Variants in PI4K2A observed in about 807,000 individuals in gnomAD.
The protein encoded by PI4K2A is phosphatidylinositol 4-kinase type 2-alpha.
PI4K2A carries 20 observed loss-of-function variants against 55.0 expected under a neutral mutation model. The observed-to-expected ratio is 0.36, with a 90% confidence interval of 0.26 to 0.53. The LOEUF (loss-of-function observed/expected upper bound fraction) is 0.53, where lower values mean the gene tolerates loss of function less well. Among genes scored for constraint, PI4K2A ranks in the 20% least tolerant of loss-of-function variants. The pLI is 0.91. For missense variants in PI4K2A, 463 were observed against 637.1 expected, an observed-to-expected ratio of 0.73 and a Z score of 2.94; for synonymous variants, 235 against 258.5, an observed-to-expected ratio of 0.91 and a Z score of 0.87.
intron 2 of PI4K2A, among the ~76,000 whole-genome samples, chr10:97,654,074 AGAAACAAG>A (rs2041541469): frequency 6.6e-6 from 1 of 152,238 alleles, no homozygotes; most frequent in Non-Finnish European, 1.5e-5. Context: ...CTGTCATTAT[AGAAACAAG>A]GTTCACATTG....
chr10:97,644,819 T>G (rs2135752109), intron 1 of PI4K2A, among the ~76,000 whole-genome samples: 1 of 152,218 alleles, frequency 6.6e-6, no homozygotes, highest in African/African-American at 2.4e-5. Flanking sequence ...CAGGTAAAAA[T>G]CATGGGTCTT....
At chr10:97,642,231 T>A (rs1010239785) in intron 1 of PI4K2A, among the ~76,000 whole-genome samples, 6 of 152,096 alleles carry the variant, frequency 3.9e-5, no homozygotes, top group African/African-American at 1.4e-4. Flanking sequence ...TACTTGTAGC[T>A]CTTGGTTCGG....
At chr10:97,645,664 G>A (rs1307192222) in intron 1 of PI4K2A, among the ~76,000 whole-genome samples, 1 of 149,624 alleles carries the variant, frequency 6.7e-6, no homozygotes, top group Non-Finnish European at 1.5e-5. Context: ...AGACCTACAT[G>A]TATGACAAAC....
chr10:97,654,491 G>C (rs1009555759), intron 2 of PI4K2A, among the ~76,000 whole-genome samples: 23 of 151,910 alleles, frequency 1.5e-4, no homozygotes, highest in African/African-American at 5.6e-4. Flanking sequence ...ATAGTTATTT[G>C]TAATAAATTT....
rs193103194 is a variant in PI4K2A, at chr10:97,670,885, C to G, written c.1279-2696C>G. ...AGGCGTGGTGGCTCATGCCTGTAAT[C>G]CGAGCACTTTGGGAGGCCGAGGCGG... On this transcript the variant is annotated intron_variant, in intron 8 of 8. Coordinates refer to ENST00000370631, the Ensembl canonical transcript of PI4K2A. Among the ~76,000 whole-genome samples, 396 of 152,236 alleles carry G rather than the reference C, an allele frequency of 2.6e-3. 3 individuals are homozygous for G. Among genetic ancestry groups the G allele is most frequent in the African/African-American group, 9.1e-3 (380 of 41,546 alleles).
At chr10:97,662,846 C>T (rs1419901401) in intron 4 of PI4K2A, 61 bp from the exon 5 acceptor site, 2 of 1,007,716 alleles carry the variant, frequency 2.0e-6, no homozygotes, top group Non-Finnish European at 3.2e-6. Context: ...ACCTAGTCCA[C>T]CATTACAAAA....
chr10:97,640,764 G>A (rs777512612), exon 1 of PI4K2A: 7 of 1,511,056 alleles, frequency 4.6e-6, no homozygotes, highest in Non-Finnish European at 6.2e-6. Flanking sequence ...GAGCCCACTA[G>A]TGTCCCCCGA....
At chr10:97,663,620 G>A (rs1180916957) in intron 5 of PI4K2A, among the ~76,000 whole-genome samples, 1 of 151,116 alleles carries the variant, frequency 6.6e-6, no homozygotes, top group Non-Finnish European at 1.5e-5. Context: ...GAGGTCAGGA[G>A]TTCCAGCCTG....
chr10:97,656,495 C>A lies in PI4K2A; in HGVS notation c.768+79C>A. 3.6e-6 allele frequency: 5 copies of A among 1,374,298 alleles called. No homozygotes were observed. Among genetic ancestry groups the A allele is most frequent in the Non-Finnish European group, 5.1e-6 (5 of 975,690 alleles). The allele number at this position is 1,374,298 out of a possible 1,614,324, so 85.1% of individuals were successfully genotyped here. On this transcript the variant is annotated intron_variant, in intron 3 of 8. Transcript: ENST00000370631. The surrounding 1 kb of genome is among the most constrained non-coding windows in gnomAD (Gnocchi z 4.5). ...TCCAAGTGGTGAAGCAAGGTGCCTA[C>A]AACTCAAATATGGGCACGTGAATAA...
chr10:97,656,729 C>T lies in PI4K2A; in HGVS notation c.769-92C>T, dbSNP rs1564774857. The T allele has an allele frequency of 2.6e-6, 3 of 1,157,400 alleles. No individual in the cohort carries two copies. Among genetic ancestry groups the T allele is most frequent in the East Asian group, 4.7e-5 (2 of 42,442 alleles). 71.7% of individuals were successfully genotyped at this position (1,157,400 alleles called of 1,614,324 possible). ...AGTTTTCCTTCTCTGATACAAACTC[C>T]ATAGGGCCTTAATGGGTATCTGGCA... On this transcript the variant is annotated intron_variant, in intron 3 of 8. Transcript: ENST00000370631. The surrounding 1 kb of genome is among the most constrained non-coding windows in gnomAD (Gnocchi z 4.5).
At chr10:97,648,092 A>ATTTTTTTTT (rs11332690) in intron 1 of PI4K2A, among the ~76,000 whole-genome samples, 1 of 120,682 alleles carries the variant, frequency 8.3e-6, no homozygotes. Flanking sequence ...CACTTAGCTA[A>ATTTTTTTTT]TTTTTTTTTT....
intron 4 of PI4K2A, among the ~76,000 whole-genome samples, chr10:97,659,339 C>A (rs754943623): frequency 1.3e-5 from 2 of 151,830 alleles, no homozygotes; most frequent in African/African-American, 2.4e-5. Context: ...TGGCTTGCAA[C>A]TGATTTTTTT....
chr10:97,642,851 CTTTCTTTCTTTCTT>C (rs1365056947), intron 1 of PI4K2A, among the ~76,000 whole-genome samples: 270 of 9,754 alleles, frequency 0.028, 18 homozygotes, highest in Middle Eastern at 0.091. Flanking sequence ...TCCTTCCTTC[CTTTCTTTCTTTCTT>C]TTTCTTTCTT....
At chr10:97,650,318 G>A (rs571690407) in intron 1 of PI4K2A, among the ~76,000 whole-genome samples, 13 of 132,380 alleles carry the variant, frequency 9.8e-5, no homozygotes, top group African/African-American at 2.7e-4. Flanking sequence ...TCGTTTGGTC[G>A]CCCAGGGTGA....
At chr10:97,664,199 A>C (rs1406656534) in intron 5 of PI4K2A, among the ~76,000 whole-genome samples, 1 of 152,192 alleles carries the variant, frequency 6.6e-6, no homozygotes, top group Admixed American at 6.5e-5. Context: ...ACATTTAATA[A>C]GGTATCTCAG....
chr10:97,673,887 C>A, exon 9 of PI4K2A: 1 of 691,688 alleles, frequency 1.4e-6, no homozygotes, highest in African/African-American at 1.8e-5. Context: ...TCAGAGCTTT[C>A]CACCCACAGG....
In PI4K2A at chr10:97,642,836, T is replaced by C. The variant is rs1386584817; in HGVS notation, c.435+1659T>C. 2.8e-3 allele frequency among the ~76,000 whole-genome samples: 10 copies of C among 3,594 alleles called. No homozygotes were observed. In the Admixed American group the frequency reaches 0.045, roughly 16 times the overall value. 2.4% of individuals were successfully genotyped at this position (3,594 alleles called of 152,430 possible). On this transcript the variant is annotated intron_variant, in intron 1 of 8. Coordinates refer to ENST00000370631, the Ensembl canonical transcript of PI4K2A. ...CTTCCTTCCTTCCTTCCTTCCTTCC[T>C]TCCTTCCTTCCTTCCTTTCTTTCTT...
intron 1 of PI4K2A, among the ~76,000 whole-genome samples, chr10:97,642,853 T>TCC (rs1564772281): frequency 0.018 from 164 of 9,368 alleles, 10 homozygotes; most frequent in East Asian, 0.055. Context: ...CTTCCTTCCT[T>TCC]TCTTTCTTTC....
intron 4 of PI4K2A, among the ~76,000 whole-genome samples, chr10:97,660,477 G>A (rs1317425261): frequency 6.6e-6 from 1 of 150,912 alleles, no homozygotes; most frequent in African/African-American, 2.4e-5. Context: ...TGTATTTTTA[G>A]TAGAGACAGG....
Sources: gnomAD v4.1 joint callset for allele counts (sites outside exome capture counted in the v4.1 genomes callset) on GRCh38, gnomAD v4.1.1 for gene constraint, Gnocchi (gnomAD v3.1) non-coding constraint, MANE v1.5 for transcripts, NCBI Gene and HGNC (gene_info 2026-07-23, HGNC 2026-07-21) for gene names.